DDC: variants seen among roughly 807,000 people sequenced by gnomAD.
DDC encodes dopa decarboxylase.
DDC carries 43 observed loss-of-function variants against 60.0 expected under a neutral mutation model. The ratio of observed to expected loss-of-function variants is 0.72; its 90% CI spans 0.56 to 0.92. DDC has a LOEUF of 0.92. Among genes scored for constraint, DDC ranks in the 40% least tolerant of loss-of-function variants. The pLI, the probability that DDC is intolerant of heterozygous loss-of-function variation, is 0.00. For missense variants in DDC, 573 were observed against 620.2 expected, an observed-to-expected ratio of 0.92 and a Z score of 0.81; for synonymous variants, 232 against 234.6, an observed-to-expected ratio of 0.99 and a Z score of 0.10.
intron 10 of DDC, 106 bp downstream of exon 10, chr7:50,479,681 C>T: frequency 1.0e-6 from 1 of 980,894 alleles, no homozygotes; most frequent in Non-Finnish European, 1.7e-6. Context: ...TCTGTGAAAG[C>T]CTCCTTGGAT....
chr7:50,486,577 C>T (rs771250831), intron 9 of DDC, among the ~76,000 whole-genome samples: 3 of 152,140 alleles, frequency 2.0e-5, no homozygotes, highest in Non-Finnish European at 4.4e-5. Context: ...TTCTTGTGAG[C>T]GCTGTTATGG....
intron 7 of DDC, among the ~76,000 whole-genome samples, chr7:50,500,093 GAGAGTA>G (rs1164208612): frequency 6.6e-6 from 1 of 152,164 alleles, no homozygotes; most frequent in Non-Finnish European, 1.5e-5. Context: ...AGGCACCCAG[GAGAGTA>G]AGAGTTGAAG....
At chr7:50,541,651 C>T (rs2044637198) in intron 2 of DDC, among the ~76,000 whole-genome samples, 1 of 152,138 alleles carries the variant, frequency 6.6e-6, no homozygotes, top group Non-Finnish European at 1.5e-5. Flanking sequence ...CTCACCTGAA[C>T]CTAATATCTT....
At chr7:50,489,161 C>A (rs2042947311) in intron 9 of DDC, among the ~76,000 whole-genome samples, 1 of 152,210 alleles carries the variant, frequency 6.6e-6, no homozygotes, top group East Asian at 1.9e-4. Context: ...CACGTGCCAC[C>A]ACACCTGGCT....
intron 7 of DDC, among the ~76,000 whole-genome samples, chr7:50,501,288 T>G (rs2153540088): frequency 1.3e-5 from 2 of 152,346 alleles, no homozygotes; most frequent in East Asian, 3.9e-4. Context: ...CCCTGTGCTA[T>G]TCCCTTCCTC....
chr7:50,476,477 C>T, intron 11 of DDC, 147 bp downstream of exon 11: 2 of 760,276 alleles, frequency 2.6e-6, no homozygotes, highest in South Asian at 1.5e-5. Flanking sequence ...TGGCAGGACC[C>T]CCCTAATTTG....
chr7:50,518,682 C>G (rs1336214091), intron 6 of DDC, among the ~76,000 whole-genome samples: 1 of 152,142 alleles, frequency 6.6e-6, no homozygotes, highest in Non-Finnish European at 1.5e-5. Context: ...AATTGGCTAG[C>G]CACATGTAGG....
chr7:50,508,458 G>C (rs2043460184), intron 6 of DDC, among the ~76,000 whole-genome samples: 1 of 152,178 alleles, frequency 6.6e-6, no homozygotes. Flanking sequence ...CTAGCCCTCT[G>C]TGCTCACGTA....
At chr7:50,539,784 T>C (rs11575304) in intron 3 of DDC, 131 bp downstream of exon 3, 400 of 709,998 alleles carry the variant, frequency 5.6e-4, no homozygotes, top group African/African-American at 5.6e-3. Context: ...TTCTCCTCCC[T>C]GCAACAGTAG....
At chr7:50,526,039 G>A (rs986957437) in intron 6 of DDC, among the ~76,000 whole-genome samples, 4 of 152,072 alleles carry the variant, frequency 2.6e-5, no homozygotes, top group Non-Finnish European at 5.9e-5. Flanking sequence ...GAAGATAATA[G>A]GTTAGAATTT....
chr7:50,500,633 TG>T (rs749404875), intron 7 of DDC, among the ~76,000 whole-genome samples: 3 of 152,194 alleles, frequency 2.0e-5, no homozygotes, highest in Non-Finnish European at 4.4e-5. Flanking sequence ...AGACTGATTC[TG>T]GGGGAAGTGA....
intron 13 of DDC, among the ~76,000 whole-genome samples, chr7:50,464,480 A>G (rs897333671): frequency 1.3e-5 from 2 of 152,254 alleles, no homozygotes; most frequent in Non-Finnish European, 2.9e-5. Context: ...GGATGAGGAT[A>G]GAGAAAAAAA....
chr7:50,505,177 C>T (rs2043357465), intron 6 of DDC, among the ~76,000 whole-genome samples: 1 of 152,202 alleles, frequency 6.6e-6, no homozygotes, highest in Non-Finnish European at 1.5e-5. Context: ...CCTCCAGACC[C>T]ATGATGCTCC....
At chr7:50,538,340 T>C (rs1035606203) in intron 3 of DDC, among the ~76,000 whole-genome samples, 1 of 152,164 alleles carries the variant, frequency 6.6e-6, no homozygotes, top group Non-Finnish European at 1.5e-5. Flanking sequence ...GCTGTCACCC[T>C]CTGGGCATCC....
At chr7:50,515,347 C>A (rs891308609) in intron 6 of DDC, among the ~76,000 whole-genome samples, 5 of 152,156 alleles carry the variant, frequency 3.3e-5, no homozygotes, top group Admixed American at 3.3e-4. Context: ...CCTTTTCAGA[C>A]AAACAAATGC....
intron 2 of DDC, among the ~76,000 whole-genome samples, chr7:50,541,155 C>T (rs534313081): frequency 5.3e-5 from 8 of 152,340 alleles, no homozygotes; most frequent in African/African-American, 9.6e-5. Context: ...TGCCCTGTTC[C>T]GCATTGTCCC....
intron 6 of DDC, among the ~76,000 whole-genome samples, chr7:50,516,591 A>C: frequency 6.7e-6 from 1 of 150,370 alleles, no homozygotes; most frequent in East Asian, 1.9e-4. Context: ...AGCAGAACTA[A>C]ATGAAATTGA....
chr7:50,557,376 T>C (rs933720791), intron 1 of DDC, among the ~76,000 whole-genome samples: 16 of 152,234 alleles, frequency 1.1e-4, no homozygotes, highest in Non-Finnish European at 2.2e-4. Context: ...CCTTAGTTAA[T>C]GCTGGCTGGA....
rs11302809 is a variant in DDC, at chr7:50,462,768, G to GTTTTTTTTTT, written c.*18+435_*18+444dup. ...ATTAACATGGTTTTCTCTTCTTCTT[G>GTTTTTTTTTT]TTTTTTTTTTTTTTTTTTTTTGGAC... On this transcript the variant is annotated intron_variant, in intron 14 of 14. Coordinates refer to ENST00000444124, the MANE Select transcript of DDC (RefSeq NM_001082971.2). Among the ~76,000 whole-genome samples the GTTTTTTTTTT allele has an allele frequency of 2.2e-3, 214 of 98,318 alleles. 6 individuals are homozygous for GTTTTTTTTTT. Among genetic ancestry groups the GTTTTTTTTTT allele is most frequent in the African/African-American group, 5.7e-3 (146 of 25,636 alleles). The allele number at this position is 98,318 out of a possible 152,430, so 64.5% of individuals were successfully genotyped here.
Sources: allele counts gnomAD v4.1 joint callset (sites outside exome capture counted in the v4.1 genomes callset), GRCh38; gene constraint gnomAD v4.1.1; transcripts MANE v1.5; gene names NCBI Gene and HGNC (gene_info 2026-07-23, HGNC 2026-07-21).